SLC1A6: variants seen among roughly 807,000 people sequenced by gnomAD.
The protein encoded by SLC1A6 is excitatory amino acid transporter 4.
In SLC1A6, 15 loss-of-function variants were observed where a neutral mutation model predicts 42.1. The observed-to-expected ratio is 0.36, with a 90% confidence interval of 0.24 to 0.55. The LOEUF (loss-of-function observed/expected upper bound fraction) is 0.55, where lower values mean the gene tolerates loss of function less well. SLC1A6 is among the 20% of genes least tolerant of loss of function. The pLI, the probability that SLC1A6 is intolerant of heterozygous loss-of-function variation, is 0.88. For synonymous variants in SLC1A6, 317 were observed against 319.7 expected (o/e 0.99, Z 0.09); for missense variants, 542 against 772.5 (o/e 0.70, Z 3.54).
upstream of SLC1A6, among the ~76,000 whole-genome samples, chr19:14,983,078 C>G (rs1334113819): frequency 6.6e-6 from 1 of 152,158 alleles, no homozygotes; most frequent in Non-Finnish European, 1.5e-5. Flanking sequence ...CACTCACTAA[C>G]ATGTATTTGT....
At chr19:14,964,022 T>A in intron 5 of SLC1A6, 1 of 236,158 alleles carries the variant, frequency 4.2e-6, no homozygotes, top group South Asian at 1.4e-4. Context: ...AGACAGAGAG[T>A]CTCATTCTGT....
rs1429205384 is a variant in SLC1A6 at position 14,954,158 on chromosome 19, G to A, written c.1341C>T (p.Asn447=). ...ACCTGATGGTTGTGATCTGACCCAG[G>A]TTGAGCTCGTAGTTGTTAACTTGAG... ...FIAQVNNYEL[N]LGQITTISIT... Residue 447 remains asparagine, a synonymous_variant, in exon 8 of 10, where the codon AAC becomes AAT. Coordinates refer to ENST00000594383, the MANE Select transcript of SLC1A6 (RefSeq NM_005071.3). The A allele has an allele frequency of 1.9e-6, 3 of 1,609,860 alleles. No individual in the cohort carries two copies. Among genetic ancestry groups the A allele is most frequent in the African/African-American group, 1.3e-5 (1 of 74,928 alleles).
chr19:14,952,957 G>A lies in SLC1A6; in HGVS notation c.1470C>T (p.Ile490=). 1 of 1,614,036 alleles carries A rather than the reference G, an allele frequency of 6.2e-7. No homozygotes were observed. ...LTSVGLPTED[I]TLIIAVDWFL... is the part of the protein sequence containing the mutation. ...ACCAGTCCACGGCAATGATGAGCGTGATGTCTTCCGTGGGCAAGCCGACCG... is the reference window on the plus strand; with the variant it reads ...ACCAGTCCACGGCAATGATGAGCGTAATGTCTTCCGTGGGCAAGCCGACCG... The change falls in exon 9 of 10, where the codon ATC becomes ATT. Residue 490 remains isoleucine, a synonymous_variant. Transcript: ENST00000594383.
At chr19:14,954,079 A>G in intron 8 of SLC1A6, 56 bp downstream of exon 8, 1 of 1,072,898 alleles carries the variant, frequency 9.3e-7, no homozygotes. Context: ...CCTCCCAGCC[A>G]AGCTGATGAC....
At chr19:14,962,671 G>A (rs1481875754) in intron 5 of SLC1A6, among the ~76,000 whole-genome samples, 4 of 152,186 alleles carry the variant, frequency 2.6e-5, no homozygotes, top group Admixed American at 6.5e-5. Context: ...TTGGAAGGTC[G>A]AGGCAGGCGG....
At chr19:14,989,791 A>G (rs1334080365) in intron 1 of SLC1A6, among the ~76,000 whole-genome samples, 3 of 149,034 alleles carry the variant, frequency 2.0e-5, no homozygotes, top group African/African-American at 7.6e-5. Context: ...TAGGAGTTCG[A>G]GACCAGCCTG....
intron 1 of SLC1A6, among the ~76,000 whole-genome samples, chr19:15,008,353 AAG>A (rs1214995098): frequency 1.3e-5 from 2 of 151,978 alleles, no homozygotes; most frequent in Admixed American, 6.6e-5. Context: ...TCTTTAGAAA[AAG>A]AGAGATATAT....
intron 6 of SLC1A6, 174 bp downstream of exon 6, chr19:14,961,828 A>G (rs1159825377): frequency 2.3e-6 from 2 of 887,864 alleles, no homozygotes; most frequent in South Asian, 2.0e-5. Context: ...GAAGTCAACT[A>G]GTGATGAAAT....
upstream of SLC1A6, among the ~76,000 whole-genome samples, chr19:14,983,846 T>C (rs76480261): frequency 8.0e-3 from 1,215 of 151,752 alleles, 24 homozygotes; most frequent in African/African-American, 0.027. Flanking sequence ...ATGAGCTCAA[T>C]GTTAATGAAT....
At chr19:15,003,660 C>CA (rs371118940) in intron 1 of SLC1A6, among the ~76,000 whole-genome samples, 62,342 of 121,656 alleles carry the variant, frequency 0.51, 15,164 homozygotes, top group East Asian at 0.65. Flanking sequence ...CATGTAATGC[C>CA]AAAAAAAAAA....
chr19:14,964,354 A>T lies in SLC1A6; in HGVS notation c.556T>A (p.Phe186Ile), dbSNP rs1300581019. The T allele has an allele frequency of 3.7e-6, 6 of 1,613,746 alleles. No individual in the cohort carries two copies. Among genetic ancestry groups the T allele is most frequent in the Non-Finnish European group, 5.1e-6 (6 of 1,179,826 alleles). Reference sequence around the variant, plus strand: ...CAGGCCTCCACAAGGTTTGGTGGAAACATATTTCTGCAGAAAAACATGAGA... The same window carrying T: ...CAGGCCTCCACAAGGTTTGGTGGAATCATATTTCTGCAGAAAAACATGAGA... ...DAFMDLIRNM[F>I]PPNLVEACFK... Residue 186 changes from phenylalanine to isoleucine, a missense_variant, in exon 5 of 10, where the codon TTT becomes ATT. By Grantham distance (21) the Phe-to-Ile change is conservative. Around this residue, in one of 6 missense-constraint regions of SLC1A6, gnomAD observed 298 missense variants for 419.4 expected, o/e 0.71. Coordinates refer to ENST00000594383, the MANE Select transcript of SLC1A6 (RefSeq NM_005071.3).
In SLC1A6 at chr19:15,001,249, GGAAAAGAAT is replaced by G. The variant is rs541743448; in HGVS notation, c.6+9227_6+9235del. ...AGGAGCTGACATTCTAGAGAGGGAA[GGAAAAGAAT>G]TACAATCTGACAAGAGCTACGAGGG... On this transcript the variant is annotated intron_variant, in intron 1 of 8. Coordinates refer to the SLC1A6 transcript ENST00000430939. Among the ~76,000 whole-genome samples, 23 of 152,260 alleles carry G rather than the reference GGAAAAGAAT, an allele frequency of 1.5e-4. No homozygotes were observed. In the South Asian group the frequency reaches 4.8e-3, roughly 32 times the overall value.
intron 4 of SLC1A6, among the ~76,000 whole-genome samples, chr19:14,966,345 A>C (rs2045573599): frequency 1.3e-5 from 2 of 152,130 alleles, no homozygotes. Context: ...TACAAAAATT[A>C]GTCCAGTGTG....
intron 1 of SLC1A6, among the ~76,000 whole-genome samples, chr19:15,008,218 G>A (rs971980456): frequency 4.0e-5 from 6 of 151,684 alleles, no homozygotes; most frequent in Admixed American, 1.3e-4. Context: ...GGTGGCGTGC[G>A]CCTATAGTCC....
intron 9 of SLC1A6, among the ~76,000 whole-genome samples, chr19:14,950,815 T>C (rs570975748): frequency 9.2e-5 from 14 of 151,744 alleles, no homozygotes; most frequent in Non-Finnish European, 2.1e-4. Flanking sequence ...GATGGTAGCA[T>C]GTGCCTGTAG....
intron 1 of SLC1A6, among the ~76,000 whole-genome samples, chr19:15,006,174 T>A (rs2045894915): frequency 6.6e-6 from 1 of 152,240 alleles, no homozygotes; most frequent in African/African-American, 2.4e-5. Context: ...GCTAAGCACT[T>A]CATTCATATT....
intron 9 of SLC1A6, among the ~76,000 whole-genome samples, chr19:14,951,156 G>A (rs2045407763): frequency 6.8e-6 from 1 of 147,288 alleles, no homozygotes; most frequent in Non-Finnish European, 1.5e-5. Context: ...GGAGGCTGAG[G>A]CAGGAGAATC....
chr19:15,008,822 T>TAA (rs536333495), intron 1 of SLC1A6, among the ~76,000 whole-genome samples: 1 of 141,638 alleles, frequency 7.1e-6, no homozygotes, highest in Non-Finnish European at 1.5e-5. Flanking sequence ...CCACCTCCAC[T>TAA]AAAAAAACAA....
chr19:14,967,065 A>G (rs1324802816), intron 4 of SLC1A6, among the ~76,000 whole-genome samples: 4 of 152,190 alleles, frequency 2.6e-5, no homozygotes, highest in Non-Finnish European at 4.4e-5. Flanking sequence ...ATATAAATTA[A>G]AAAATCATGC....
Sources: allele counts gnomAD v4.1 joint callset (sites outside exome capture counted in the v4.1 genomes callset), GRCh38; gene constraint gnomAD v4.1.1; regional missense constraint gnomAD v4.1.1; transcripts MANE v1.5; gene names NCBI Gene and HGNC (gene_info 2026-07-23, HGNC 2026-07-21).